Variants in MCMBP observed in about 807,000 individuals in gnomAD.
The protein encoded by MCMBP is mini-chromosome maintenance complex-binding protein.
MCMBP carries 31 observed loss-of-function variants against 81.3 expected under a neutral mutation model. That is an observed-to-expected ratio of 0.38 (90% CI 0.29 to 0.51). The LOEUF is 0.51. Among genes scored for constraint, MCMBP ranks in the 20% least tolerant of loss-of-function variants. MCMBP has a pLI of 0.87. For missense variants in MCMBP, 645 were observed against 772.1 expected (o/e 0.84, Z 1.95); for synonymous variants, 267 against 275.9 (o/e 0.97, Z 0.32).
At chr10:119,840,646 G>A (rs904997366) in intron 11 of MCMBP, among the ~76,000 whole-genome samples, 197 bp downstream of exon 11, 3 of 152,190 alleles carry the variant, frequency 2.0e-5, no homozygotes, top group African/African-American at 7.2e-5. Context: ...AGAAATTTGT[G>A]CTTAGGCAAA....
chr10:119,833,550 C>CAT (rs1403942596), intron 14 of MCMBP, among the ~76,000 whole-genome samples: 1 of 151,842 alleles, frequency 6.6e-6, no homozygotes, highest in African/African-American at 2.4e-5. Context: ...TGGTGGTGCA[C>CAT]ACCTATGGTC....
chr10:119,850,722 C>T (rs1852783657), intron 6 of MCMBP, among the ~76,000 whole-genome samples: 1 of 125,646 alleles, frequency 8.0e-6, no homozygotes, highest in African/African-American at 3.1e-5. Flanking sequence ...GCACTCCAGT[C>T]TGGGTGACAG....
chr10:119,841,198 A>T (rs541491493), intron 10 of MCMBP, among the ~76,000 whole-genome samples: 3 of 152,336 alleles, frequency 2.0e-5, no homozygotes, highest in Non-Finnish European at 2.9e-5. Context: ...TTTAACCCCT[A>T]ACCATTCAGC....
At chr10:119,850,537 CAGG>C (rs1403067733) in intron 6 of MCMBP, among the ~76,000 whole-genome samples, 2 of 152,012 alleles carry the variant, frequency 1.3e-5, no homozygotes, top group East Asian at 3.9e-4. Flanking sequence ...ATCACGAGGT[CAGG>C]AGATTGAGAC....
chr10:119,832,118 A>G lies in MCMBP; in HGVS notation c.1708-18T>C. 1 of 1,600,112 alleles carries G rather than the reference A, an allele frequency of 6.2e-7. No individual in the cohort carries two copies. Among genetic ancestry groups the G allele is most frequent in the Non-Finnish European group, 8.5e-7 (1 of 1,172,046 alleles). ...TCAACTGCCTTTATCAAAAGAGTAA[A>G]TGTAAATGATGTGCATTTTTGTAAG... On this transcript the variant is annotated intron_variant, in intron 14 of 15. Coordinates refer to ENST00000369077, the MANE Select transcript of MCMBP (RefSeq NM_001256378.2).
At chr10:119,872,916 G>T (rs148146239), upstream of MCMBP, 1 of 152,058 alleles carries the variant, frequency 6.6e-6, no homozygotes, top group East Asian at 1.9e-4. Context: ...GGCGGCGGGA[G>T]CGCGCGGCGC....
At chr10:119,845,624 T>C (rs1016326370) in intron 8 of MCMBP, among the ~76,000 whole-genome samples, 3 of 152,178 alleles carry the variant, frequency 2.0e-5, no homozygotes, top group African/African-American at 7.2e-5. Flanking sequence ...AGAATCTTTC[T>C]AAGTAAAATA....
rs1199780039 is a variant in MCMBP at position 119,863,419 on chromosome 10, AG to A, written c.59-3536del. On this transcript the variant is annotated intron_variant, in intron 1 of 15. Transcript: ENST00000369077. Reference sequence around the variant, plus strand: ...AGAATATCCTTTTTCCATTTGAATTAGCTTTTGTATCTTTATTAAAATGCAG... The same window carrying A: ...AGAATATCCTTTTTCCATTTGAATTACTTTTGTATCTTTATTAAAATGCAG... Among the ~76,000 whole-genome samples, 6 of 152,158 alleles carry A rather than the reference AG, an allele frequency of 3.9e-5. No homozygotes were observed. The East Asian group carries it at 1.2e-3, about 29-fold the overall frequency.
chr10:119,849,420 A>T lies in MCMBP; in HGVS notation c.726+5T>A. 1 of 1,604,360 alleles carries T rather than the reference A, an allele frequency of 6.2e-7. No homozygotes were observed. The highest frequency in any genetic ancestry group is 8.5e-7 in the Non-Finnish European group (1 of 1,177,344). On this transcript the variant is annotated splice_donor_5th_base_variant and intron_variant, in intron 7 of 15. Transcript: ENST00000369077. Reference sequence around the variant, plus strand: ...CAGTGTTGGATCTACGAAAGGTTTTATTACCTTCACAAGGCATGCAGGGCC... The same window carrying T: ...CAGTGTTGGATCTACGAAAGGTTTTTTTACCTTCACAAGGCATGCAGGGCC...
chr10:119,840,970 A>G lies in MCMBP; in HGVS notation c.1125-10T>C, dbSNP rs1589780024. 46 of 1,476,232 alleles carry G rather than the reference A, an allele frequency of 3.1e-5. No individual in the cohort carries two copies. The highest frequency in any genetic ancestry group is 4.3e-5 in the Non-Finnish European group (46 of 1,062,090). The allele number at this position is 1,476,232 out of a possible 1,614,324, so 91.4% of individuals were successfully genotyped here. On this transcript the variant is annotated splice_polypyrimidine_tract_variant and intron_variant, in intron 10 of 15. Transcript: ENST00000369077. ...ATCTCTTCTTGTATATCTAGAAAAG[A>G]AAGAAATCAATCAATAAGATGCTGA... is the stretch of plus-strand genomic sequence containing the variant.
intron 9 of MCMBP, 62 bp downstream of exon 9, chr10:119,843,192 C>T: frequency 6.3e-7 from 1 of 1,581,596 alleles, no homozygotes; most frequent in Non-Finnish European, 8.7e-7. Flanking sequence ...ACGTTACAGG[C>T]AGCTCTGGAC....
chr10:119,835,630 TGA>T lies in MCMBP; in HGVS notation c.1615_1616del (p.Ala540GlyfsTer22), dbSNP rs1852213753. On this transcript the variant is annotated frameshift_variant, in exon 14 of 16. Coordinates refer to ENST00000369077, the MANE Select transcript of MCMBP (RefSeq NM_001256378.2). LOFTEE classifies it high-confidence loss of function. The stretch of plus-strand genomic sequence containing the variant: ...TGTTCAGCACGGAAGGCAGCACCGC[TGA>T]GAGAAGGCTGTTCATGTACTCCTCC... ...NMEEYMNSLLSAVLPSVLNKF... is the reference protein window; with the variant it reads ...NMEEYMNSLLXAVLPSVLNKF... The T allele has an allele frequency of 1.2e-6, 2 of 1,614,120 alleles. No individual in the cohort carries two copies. Among genetic ancestry groups the T allele is most frequent in the Admixed American group, 1.7e-5 (1 of 60,014 alleles).
chr10:119,841,669 G>A (rs1852437971), intron 10 of MCMBP, among the ~76,000 whole-genome samples: 1 of 152,200 alleles, frequency 6.6e-6, no homozygotes, highest in Non-Finnish European at 1.5e-5. Flanking sequence ...GTTAACGGAG[G>A]TTCTAAGTGG....
chr10:119,835,031 T>C (rs1589773882), intron 14 of MCMBP, among the ~76,000 whole-genome samples: 1 of 151,904 alleles, frequency 6.6e-6, no homozygotes, highest in Admixed American at 6.6e-5. Context: ...ATAGAAAAAA[T>C]AGTACAGAAG....
chr10:119,842,068 G>A lies in MCMBP; in HGVS notation c.1124+404C>T, dbSNP rs768330895. On this transcript the variant is annotated intron_variant, in intron 10 of 15. Transcript: ENST00000369077. Reference sequence around the variant, plus strand: ...CAGCAGTGGCATCAGACTCTCACAGGAGCGCGAACCCTATTGTGAACTGCA... The same window carrying A: ...CAGCAGTGGCATCAGACTCTCACAGAAGCGCGAACCCTATTGTGAACTGCA... 2.2e-4 allele frequency among the ~76,000 whole-genome samples: 34 copies of A among 152,152 alleles called. 1 individual carries two copies. Among genetic ancestry groups the A allele is most frequent in the Admixed American group, 1.2e-3 (18 of 15,282 alleles).
intron 14 of MCMBP, 62 bp downstream of exon 14, chr10:119,835,463 AGTAATTATGGTAAAT>A: frequency 8.2e-7 from 1 of 1,220,956 alleles, no homozygotes; most frequent in Non-Finnish European, 1.2e-6. Context: ...TTACCTTATC[AGTAATTATGGTAAAT>A]GTAAATTGGT....
Position 119,829,825 on chromosome 10 carries a change from G to A in MCMBP, c.*1649C>T, listed in dbSNP as rs767860207. ...TTGGGACGTTTTATTTATTGGAAAG[G>A]TTCTTTCAAGGGAACTTTTCTGCAA... is the stretch of plus-strand genomic sequence containing the variant. On this transcript the variant is annotated 3_prime_UTR_variant, in exon 16 of 16. Transcript: ENST00000369077. 13 of 152,140 alleles carry A rather than the reference G, an allele frequency of 8.5e-5. No individual in the cohort carries two copies. Among genetic ancestry groups the A allele is most frequent in the Non-Finnish European group, 1.5e-4 (10 of 68,028 alleles). The allele number at this position is 152,140 out of a possible 1,614,324, so 9.4% of individuals were successfully genotyped here.
At chr10:119,847,461 T>G in intron 8 of MCMBP, 152 bp downstream of exon 8, 1 of 476,698 alleles carries the variant, frequency 2.1e-6, no homozygotes, top group East Asian at 3.2e-5. Context: ...AGAGCACAAA[T>G]GAATGACAAA....
intron 8 of MCMBP, among the ~76,000 whole-genome samples, chr10:119,846,836 C>T (rs1852634866): frequency 6.6e-6 from 1 of 151,866 alleles, no homozygotes; most frequent in South Asian, 2.1e-4. Flanking sequence ...TCACTAGAAA[C>T]CAGATCTGCT....
Sources: gnomAD v4.1 joint callset for allele counts (sites outside exome capture counted in the v4.1 genomes callset) on GRCh38, gnomAD v4.1.1 for gene constraint, MANE v1.5 for transcripts, NCBI Gene and HGNC (gene_info 2026-07-23, HGNC 2026-07-21) for gene names.